PRDX1: variants seen among roughly 807,000 people sequenced by gnomAD.
PRDX1 encodes the protein peroxiredoxin-1.
Under a neutral mutation model 20.7 loss-of-function variants are expected in PRDX1, and 19 were observed. The observed-to-expected ratio is 0.92, with a 90% CI of 0.64 to 1.35. The LOEUF (loss-of-function observed/expected upper bound fraction) is 1.35. Among genes scored for constraint, PRDX1 ranks in the 40% most tolerant of loss-of-function variants. The probability of loss-of-function intolerance (pLI) is 0.00; values close to 1 mark genes in which losing one functional copy is unlikely to be tolerated. For synonymous variants in PRDX1, 89 were observed against 83.9 expected (o/e 1.06, Z -0.33); for missense variants, 226 against 240.0 (o/e 0.94, Z 0.38).
chr1:45,511,471 C>A, intron 5 of PRDX1, 57 bp from the exon 6 acceptor site: 1 of 1,426,104 alleles, frequency 7.0e-7, no homozygotes, highest in Non-Finnish European at 9.8e-7. Flanking sequence ...CACCACCATT[C>A]TCCTATGGAC....
intron 5 of PRDX1, among the ~76,000 whole-genome samples, chr1:45,514,079 C>T (rs528672685): frequency 1.3e-5 from 2 of 152,224 alleles, no homozygotes; most frequent in African/African-American, 2.4e-5. Flanking sequence ...AGGGGAAAAC[C>T]GCCTCAGGGG....
rs1357092595 is a variant in PRDX1 at position 45,511,212 on chromosome 1, ACAC to A, written c.*114_*116del. 6.8e-6 allele frequency: 6 copies of A among 878,054 alleles called. No individual in the cohort carries two copies. The African/African-American group carries it at 1.0e-4, about 15-fold the overall frequency. The allele number at this position is 878,054 out of a possible 1,614,324, so 54.4% of individuals were successfully genotyped here. A position where few individuals can be genotyped will look rare whatever the true frequency, so the allele number is the denominator to read the frequency against. On this transcript the variant is annotated 3_prime_UTR_variant, in exon 6 of 6. Coordinates refer to ENST00000319248, the MANE Select transcript of PRDX1 (RefSeq NM_181697.3). Reference sequence around the variant, plus strand: ...CTGTAGGAAAGGCCTGCCTTGTAAGACACCACAATTCGGCTGAATCTGAAGTCT... The same window carrying A: ...CTGTAGGAAAGGCCTGCCTTGTAAGACACAATTCGGCTGAATCTGAAGTCT...
rs879237419 is a variant in PRDX1 at position 45,511,421 on chromosome 1, G to A, written c.515-7C>T. 2.5e-6 allele frequency: 4 copies of A among 1,610,656 alleles called. No homozygotes were observed. In the African/African-American group the frequency reaches 4.0e-5, roughly 16 times the overall value. The stretch of plus-strand genomic sequence containing the variant: ...TTCCAGCCAGCTGGGCACACTGCAA[G>A]AGAAAGGCACCACTAATTAATAACC... On this transcript the variant is annotated splice_region_variant and splice_polypyrimidine_tract_variant and intron_variant, in intron 5 of 5. Coordinates refer to ENST00000319248, the MANE Select transcript of PRDX1 (RefSeq NM_181697.3).
rs767838942 is a variant in PRDX1 at position 45,514,506 on chromosome 1, C to A, written c.514+1G>T. On this transcript the variant is annotated splice_donor_variant, in intron 5 of 5. Transcript: ENST00000319248. LOFTEE classifies it high-confidence loss of function. ...GTCCTGTTATCAGACAGATGGCTTA[C>A]CTTCCCCATGTTTGTCAGTGAACTG... 6.8e-6 allele frequency: 11 copies of A among 1,614,148 alleles called. No individual in the cohort carries two copies. Among genetic ancestry groups the A allele is most frequent in the Non-Finnish European group, 9.3e-6 (11 of 1,180,006 alleles).
intron 5 of PRDX1, chr1:45,512,979 C>G (rs1643783806): frequency 6.6e-6 from 1 of 152,160 alleles, no homozygotes; most frequent in Non-Finnish European, 1.5e-5. Context: ...AATCCAGACT[C>G]TAATAACTTC....
At chr1:45,514,701 G>A in intron 4 of PRDX1, 64 bp from the exon 5 acceptor site, 1 of 1,601,856 alleles carries the variant, frequency 6.2e-7, no homozygotes, top group Non-Finnish European at 8.5e-7. Flanking sequence ...AGAATACAGA[G>A]GCTTGAAGCC....
rs981939228 is a variant in PRDX1 at position 45,520,504 on chromosome 1, C to T, written c.-12+1325G>A. Among the ~76,000 whole-genome samples the T allele has an allele frequency of 1.2e-4, 18 of 152,146 alleles. No homozygotes were observed. The East Asian group carries it at 2.3e-3, about 20-fold the overall frequency. Reference sequence around the variant, plus strand: ...TTGGGAGGCCGAGGCAGGCAGATCACCTGAGGTCAGAAGTTCGAGACCAGC... The same window carrying T: ...TTGGGAGGCCGAGGCAGGCAGATCATCTGAGGTCAGAAGTTCGAGACCAGC... On this transcript the variant is annotated intron_variant, in intron 1 of 5. Coordinates refer to ENST00000319248, the MANE Select transcript of PRDX1 (RefSeq NM_181697.3).
At position 45,514,654 on chromosome 1, in the gene PRDX1, A is replaced by C; in HGVS notation, c.384-17T>G. 1.2e-6 allele frequency: 2 copies of C among 1,613,120 alleles called. No individual in the cohort carries two copies. The highest frequency in any genetic ancestry group is 2.2e-5 in the South Asian group (2 of 91,066). Reference sequence around the variant, plus strand: ...AAAAGGCCCCTGGGAAAAGAGATGAAAGGAAAAGCAATACAGGTTTAGAGA... The same window carrying C: ...AAAAGGCCCCTGGGAAAAGAGATGACAGGAAAAGCAATACAGGTTTAGAGA... On this transcript the variant is annotated splice_polypyrimidine_tract_variant and intron_variant, in intron 4 of 5. Transcript: ENST00000319248.
intron 1 of PRDX1, among the ~76,000 whole-genome samples, chr1:45,520,597 G>A (rs5015340): frequency 0.23 from 34,763 of 151,368 alleles, 4,073 homozygotes; most frequent in East Asian, 0.32. Context: ...GGTGGCACGC[G>A]CCTGCAGTCC....
intron 1 of PRDX1, among the ~76,000 whole-genome samples, chr1:45,521,194 A>G (rs1643909890): frequency 6.6e-6 from 1 of 152,144 alleles, no homozygotes. Flanking sequence ...GCTGGGATTC[A>G]GGCCGCCACC....
At chr1:45,521,994 C>G (rs1386323703), upstream of PRDX1, 1 of 152,336 alleles carries the variant, frequency 6.6e-6, no homozygotes, top group African/African-American at 2.4e-5. Context: ...GGCCCGAGCC[C>G]CGCCCGGCGC....
intron 3 of PRDX1, among the ~76,000 whole-genome samples, chr1:45,515,369 GTGGGCAGATCACGAGGTCAGGAGA>G (rs1643838787): frequency 6.6e-6 from 1 of 152,078 alleles, no homozygotes; most frequent in Admixed American, 6.6e-5. Context: ...GGAGGCTGAG[GTGGGCAGATCACGAGGTCAGGAGA>G]TCAAGAACAT....
At chr1:45,520,875 G>A (rs1430091118) in intron 1 of PRDX1, among the ~76,000 whole-genome samples, 1 of 152,000 alleles carries the variant, frequency 6.6e-6, no homozygotes, top group Non-Finnish European at 1.5e-5. Flanking sequence ...CTGCACTCCA[G>A]CCTGGCCGAC....
intron 5 of PRDX1, chr1:45,512,362 C>G (rs147887168): frequency 2.0e-5 from 3 of 151,332 alleles, no homozygotes; most frequent in Non-Finnish European, 2.9e-5. Context: ...CTCAGCCTCC[C>G]GAGTAGCTGG....
Position 45,515,763 on chromosome 1 carries a change from C to T in PRDX1, c.151G>A (p.Val51Met). ...FFFYPLDFTF[V>M]CPTEIIAFSD... ...AAAGCAATGATCTCCGTGGGGCACA[C>T]AAAGGTGAAGTCAAGAGGGTAAAAG... The change falls in exon 3 of 6, where the codon GTG becomes ATG. Residue 51 changes from valine to methionine, a missense_variant. By Grantham distance (21) the Val-to-Met change is conservative. Coordinates refer to ENST00000319248, the MANE Select transcript of PRDX1 (RefSeq NM_181697.3). 6.3e-7 allele frequency: 1 copy of T among 1,596,738 alleles called. No individual in the cohort carries two copies. Among genetic ancestry groups the T allele is most frequent in the Non-Finnish European group, 8.5e-7 (1 of 1,175,094 alleles).
chr1:45,514,990 T>C lies in PRDX1; in HGVS notation c.266A>G (p.Asn89Ser), dbSNP rs1643832195. The C allele has an allele frequency of 1.2e-6, 2 of 1,614,072 alleles. No individual in the cohort carries two copies. The highest frequency in any genetic ancestry group is 2.7e-5 in the African/African-American group (2 of 74,940). Reference protein sequence around the residue: ...DSHFCHLAWVNTPKKQGGLGP... With the variant: ...DSHFCHLAWVSTPKKQGGLGP... ...CAGTCCTCCTTGTTTCTTAGGTGTATTGACCCTATGGCAAAAGGCAAACAT... is the reference window on the plus strand; with the variant it reads ...CAGTCCTCCTTGTTTCTTAGGTGTACTGACCCTATGGCAAAAGGCAAACAT... Residue 89 changes from asparagine to serine, a missense_variant, in exon 4 of 6, where the codon AAT becomes AGT. Transcript: ENST00000319248.
intron 1 of PRDX1, among the ~76,000 whole-genome samples, chr1:45,520,631 G>A (rs943259239): frequency 1.3e-5 from 2 of 151,056 alleles, no homozygotes; most frequent in African/African-American, 4.9e-5. Flanking sequence ...GGCTGAGGCA[G>A]GAGAATGGCG....
At chr1:45,518,184 C>T (rs1643877444) in intron 2 of PRDX1, among the ~76,000 whole-genome samples, 1 of 151,786 alleles carries the variant, frequency 6.6e-6, no homozygotes, top group Non-Finnish European at 1.5e-5. Context: ...AAAATTAAGC[C>T]AGGCGTGGTG....
At chr1:45,520,433 G>C (rs1387516838) in intron 1 of PRDX1, among the ~76,000 whole-genome samples, 1 of 151,996 alleles carries the variant, frequency 6.6e-6, no homozygotes, top group Non-Finnish European at 1.5e-5. Flanking sequence ...GATTAGTATT[G>C]AGATCTTGGC....
Sources: allele counts gnomAD v4.1 joint callset (sites outside exome capture counted in the v4.1 genomes callset), GRCh38; gene constraint gnomAD v4.1.1; transcripts MANE v1.5; gene names NCBI Gene and HGNC (gene_info 2026-07-23, HGNC 2026-07-21).